RSPH14: variants seen among roughly 807,000 people sequenced by gnomAD.
RSPH14 encodes the protein rhabdoid tumor deletion region gene 1.
A neutral mutation model predicts 26.7 loss-of-function variants in RSPH14; 20 were observed. The observed-to-expected ratio is 0.75, with a 90% CI of 0.53 to 1.09. RSPH14 has a LOEUF of 1.09. Among genes scored for constraint, RSPH14 ranks in the 50% least tolerant of loss-of-function variants. The pLI, the probability that RSPH14 is intolerant of heterozygous loss-of-function variation, is 0.00. For missense variants in RSPH14, 449 were observed against 457.2 expected (o/e 0.98, Z 0.16); for synonymous variants, 177 against 189.3 (o/e 0.93, Z 0.53).
chr22:23,073,770 G>A (rs1367100715), intron 4 of RSPH14, among the ~76,000 whole-genome samples: 3 of 152,200 alleles, frequency 2.0e-5, no homozygotes, highest in African/African-American at 4.8e-5. Context: ...ATTTACCAGC[G>A]CCTGCTGCAT....
rs374785154 is a variant in RSPH14 at position 23,110,863 on chromosome 22, G to A, written c.421+23163C>T. 2.0e-4 allele frequency among the ~76,000 whole-genome samples: 31 copies of A among 152,344 alleles called. 2 individuals carry two copies. In the South Asian group the frequency reaches 6.4e-3, roughly 32 times the overall value. On this transcript the variant is annotated intron_variant, in intron 4 of 6. Transcript: ENST00000216036. ...ACCCAAGGGCCCACCACACTCTGAG[G>A]CTGGCGAGCACACGGGGCAACTCAG...
chr22:23,125,113 A>T (rs888923755), intron 4 of RSPH14: 2 of 152,104 alleles, frequency 1.3e-5, no homozygotes, highest in African/African-American at 4.8e-5. Flanking sequence ...AGCCGGGGAC[A>T]CCTCCATTCT....
At chr22:23,165,128 C>T in the RSPH14 span, among the ~76,000 whole-genome samples, 1 of 152,168 alleles carries the variant, frequency 6.6e-6, no homozygotes, top group African/African-American at 2.4e-5. Flanking sequence ...GGACAGTGAC[C>T]TCATCACCTC....
chr22:23,129,553 T>C lies in RSPH14; in HGVS notation c.421+4473A>G, dbSNP rs1161291738. ...TTCATGAGTCAGGGTAAAGAAAGAT[T>C]ATCTTACACGGCACTCAAAAAAAAA... On this transcript the variant is annotated intron_variant, in intron 4 of 6. Coordinates refer to ENST00000216036, the MANE Select transcript of RSPH14 (RefSeq NM_014433.3). Among the ~76,000 whole-genome samples the C allele has an allele frequency of 2.0e-5, 3 of 150,812 alleles. No homozygotes were observed. In the East Asian group the frequency reaches 5.8e-4, roughly 29 times the overall value.
At chr22:23,114,199 A>G (rs1053768447) in intron 4 of RSPH14, among the ~76,000 whole-genome samples, 2 of 152,110 alleles carry the variant, frequency 1.3e-5, no homozygotes, top group African/African-American at 4.8e-5. Flanking sequence ...TCCATGGTGA[A>G]TGGAGCGCAT....
the RSPH14 span, among the ~76,000 whole-genome samples, chr22:23,168,665 A>G: frequency 6.6e-6 from 1 of 152,132 alleles, no homozygotes; most frequent in Admixed American, 6.5e-5. Context: ...TGACTGTCAC[A>G]TGCTCCTTCC....
chr22:23,104,192 CTG>C (rs2069390566), intron 4 of RSPH14, among the ~76,000 whole-genome samples: 1 of 152,144 alleles, frequency 6.6e-6, no homozygotes, highest in Admixed American at 6.5e-5. Flanking sequence ...GCACAGTGCC[CTG>C]CAGCGGGATG....
intron 4 of RSPH14, among the ~76,000 whole-genome samples, chr22:23,110,558 A>T (rs1377419312): frequency 6.6e-6 from 1 of 152,200 alleles, no homozygotes; most frequent in African/African-American, 2.4e-5. Context: ...TCGCTACCAG[A>T]GACCCTCTCC....
At chr22:23,093,857 C>T (rs2069052585) in intron 4 of RSPH14, among the ~76,000 whole-genome samples, 1 of 152,150 alleles carries the variant, frequency 6.6e-6, no homozygotes, top group Non-Finnish European at 1.5e-5. Context: ...AGGCCACCAC[C>T]ACTGCCAGGA....
chr22:23,172,039 A>C, the RSPH14 span, among the ~76,000 whole-genome samples: 3 of 152,164 alleles, frequency 2.0e-5, no homozygotes, highest in African/African-American at 7.2e-5. Context: ...CCATCTGTTA[A>C]AACAATTGCC....
intron 4 of RSPH14, among the ~76,000 whole-genome samples, chr22:23,099,016 T>C (rs1461958672): frequency 1.3e-5 from 2 of 152,260 alleles, no homozygotes; most frequent in Non-Finnish European, 2.9e-5. Flanking sequence ...CGAATGAACC[T>C]TGGGGCCCAG....
chr22:23,123,439 G>C, intron 4 of RSPH14: 1 of 1,578,770 alleles, frequency 6.3e-7, no homozygotes, highest in Admixed American at 1.7e-5. Context: ...TGAGGAGCTG[G>C]GCCCGGGGCC....
chr22:23,086,932 G>A (rs2068835591), intron 4 of RSPH14, among the ~76,000 whole-genome samples: 1 of 152,248 alleles, frequency 6.6e-6, no homozygotes, highest in South Asian at 2.1e-4. Context: ...CCCATGATGG[G>A]ACACATGGCT....
intron 4 of RSPH14, among the ~76,000 whole-genome samples, chr22:23,129,207 C>G (rs2070250530): frequency 6.6e-6 from 1 of 152,176 alleles, no homozygotes; most frequent in Admixed American, 6.5e-5. Context: ...ACCCCCAGAA[C>G]AGATCTCCTG....
chr22:23,065,166 G>A (rs1263184781), intron 4 of RSPH14, among the ~76,000 whole-genome samples: 2 of 152,132 alleles, frequency 1.3e-5, no homozygotes, highest in African/African-American at 4.8e-5. Flanking sequence ...TTAGCCTAAA[G>A]GTCTCCAAGT....
chr22:23,149,095 G>C (rs2070960055), upstream of RSPH14, among the ~76,000 whole-genome samples: 1 of 151,966 alleles, frequency 6.6e-6, no homozygotes, highest in African/African-American at 2.4e-5. Context: ...GATGGGCCAG[G>C]CAGAGCCCGA....
In RSPH14 at chr22:23,081,942, A is replaced by G. The variant is rs1386030872; in HGVS notation, c.422-17809T>C. Among the ~76,000 whole-genome samples, 11 of 150,948 alleles carry G rather than the reference A, an allele frequency of 7.3e-5. No individual in the cohort carries two copies. In the East Asian group the frequency reaches 7.9e-4, roughly 11 times the overall value. ...AGATCGAGACCATCCTGGCTAACAC[A>G]GTGAAACCTCATCTCTACTAAAAAT... On this transcript the variant is annotated intron_variant, in intron 4 of 6. Coordinates refer to ENST00000216036, the MANE Select transcript of RSPH14 (RefSeq NM_014433.3).
the RSPH14 span, among the ~76,000 whole-genome samples, chr22:23,173,698 C>T: frequency 8.8e-5 from 13 of 147,812 alleles, no homozygotes; most frequent in South Asian, 2.6e-3. Context: ...ACTTCTTCTC[C>T]GTTATTATTT....
upstream of RSPH14, chr22:23,142,067 A>T (rs2301554): frequency 2.0e-6 from 2 of 983,310 alleles, no homozygotes; most frequent in African/African-American, 3.5e-5. Flanking sequence ...GGTCGACATA[A>T]TCAGCACCCA....
Sources: allele counts gnomAD v4.1 joint callset (sites outside exome capture counted in the v4.1 genomes callset), GRCh38; gene constraint gnomAD v4.1.1; transcripts MANE v1.5; gene names NCBI Gene and HGNC (gene_info 2026-07-23, HGNC 2026-07-21).